SYCP2L: variants seen among roughly 807,000 people sequenced by gnomAD.
SYCP2L encodes synaptonemal complex protein 2 like.
In SYCP2L, 98 loss-of-function variants were observed where a neutral mutation model predicts 125.8. The observed-to-expected ratio is 0.78, with a 90% CI of 0.66 to 0.92. The LOEUF is 0.92. Ranked by LOEUF, SYCP2L falls within the 40% of genes least tolerant of loss-of-function variation. The probability of loss-of-function intolerance (pLI) is 0.00; values close to 1 mark genes in which losing one functional copy is unlikely to be tolerated. For missense variants in SYCP2L, 842 were observed against 936.4 expected (o/e 0.90, Z 1.32); for synonymous variants, 317 against 325.4 (o/e 0.97, Z 0.28).
rs570500178 is a variant in SYCP2L, at chr6:10,912,322, G to T, written c.919-351G>T. ...GGTTACAGTATCTCCTTCTCCAGAA[G>T]TTTCCATCCATATGCAGTGTGGCTT... On this transcript the variant is annotated intron_variant, in intron 12 of 29. Transcript: ENST00000283141. This position sits in a 1 kb window ranked among gnomAD's most constrained non-coding sequence, Gnocchi z 4.1. 1.6e-4 allele frequency among the ~76,000 whole-genome samples: 25 copies of T among 152,148 alleles called. No homozygotes were observed. Among genetic ancestry groups the T allele is most frequent in the Non-Finnish European group, 3.5e-4 (24 of 68,036 alleles).
chr6:10,891,104 T>A (rs1780164257), intron 1 of SYCP2L, among the ~76,000 whole-genome samples: 1 of 152,238 alleles, frequency 6.6e-6, no homozygotes, highest in Non-Finnish European at 1.5e-5. Context: ...TATTTTGAAG[T>A]CAGGTACTAT....
rs1780630470 is a variant in SYCP2L, at chr6:10,912,645, T to C, written c.919-28T>C. Reference sequence around the variant, plus strand: ...CCCTATAGCATGATTTTTATGTGTATAAGTCATGCTGAAATGATCTCTTAC... The same window carrying C: ...CCCTATAGCATGATTTTTATGTGTACAAGTCATGCTGAAATGATCTCTTAC... On this transcript the variant is annotated intron_variant, in intron 12 of 29. Transcript: ENST00000283141. This position sits in a 1 kb window ranked among gnomAD's most constrained non-coding sequence, Gnocchi z 4.1. 1.3e-6 allele frequency: 2 copies of C among 1,512,078 alleles called. No individual in the cohort carries two copies. Among genetic ancestry groups the C allele is most frequent in the Non-Finnish European group, 1.8e-6 (2 of 1,091,306 alleles). 93.7% of individuals were successfully genotyped at this position (1,512,078 alleles called of 1,614,324 possible). A position where few individuals can be genotyped will look rare whatever the true frequency, so the allele number is the denominator to read the frequency against.
At chr6:10,960,319 C>T (rs763607274) in intron 26 of SYCP2L, among the ~76,000 whole-genome samples, 1 of 152,082 alleles carries the variant, frequency 6.6e-6, no homozygotes, top group Non-Finnish European at 1.5e-5. Context: ...AAAGCAAGCC[C>T]ACGAAGGACT....
intron 23 of SYCP2L, among the ~76,000 whole-genome samples, chr6:10,945,066 A>G (rs962272307): frequency 6.6e-6 from 1 of 152,136 alleles, no homozygotes; most frequent in Non-Finnish European, 1.5e-5. Flanking sequence ...GGTTAGAAGT[A>G]TATTTGTTAA....
intron 26 of SYCP2L, 84 bp from the exon 27 acceptor site, chr6:10,961,220 TC>T: frequency 9.4e-7 from 1 of 1,058,408 alleles, no homozygotes; most frequent in Non-Finnish European, 1.4e-6. Context: ...GTCTGAAGTA[TC>T]CTTGTAATCA....
chr6:10,970,995 G>T (rs1358998515), intron 29 of SYCP2L, among the ~76,000 whole-genome samples: 3 of 152,158 alleles, frequency 2.0e-5, no homozygotes, highest in Non-Finnish European at 1.5e-5. Context: ...TAACTGGGCT[G>T]GGGGAAGGCG....
chr6:10,931,636 A>G (rs1780997908), intron 20 of SYCP2L, 147 bp downstream of exon 20: 2 of 800,108 alleles, frequency 2.5e-6, no homozygotes, highest in South Asian at 3.6e-5. Context: ...AAGGTCTTCT[A>G]AATGTTTAAT....
At chr6:10,917,021 C>A (rs1263322108) in intron 14 of SYCP2L, among the ~76,000 whole-genome samples, 2 of 152,104 alleles carry the variant, frequency 1.3e-5, no homozygotes, top group East Asian at 3.8e-4. Flanking sequence ...ATAATAATTT[C>A]AGTTTTCTTA....
intron 11 of SYCP2L, 121 bp from the exon 12 acceptor site, chr6:10,910,703 T>G (rs1780591717): frequency 1.9e-6 from 2 of 1,039,048 alleles, no homozygotes; most frequent in South Asian, 2.6e-5. Flanking sequence ...AACCCCCTAT[T>G]GTACTCTGTA....
At chr6:10,945,840 T>C (rs1781307120) in intron 23 of SYCP2L, among the ~76,000 whole-genome samples, 1 of 151,882 alleles carries the variant, frequency 6.6e-6, no homozygotes. Context: ...TATTGTATAT[T>C]TGCCTTATGG....
At chr6:10,956,392 A>AC in intron 25 of SYCP2L, 150 bp downstream of exon 25, 1 of 622,464 alleles carries the variant, frequency 1.6e-6, no homozygotes, top group Non-Finnish European at 2.7e-6. Context: ...AAGGGTGGTT[A>AC]CCAGGGGTCA....
At chr6:10,921,205 A>T (rs372109193) in intron 14 of SYCP2L, among the ~76,000 whole-genome samples, 24 of 152,294 alleles carry the variant, frequency 1.6e-4, no homozygotes, top group African/African-American at 5.3e-4. Context: ...TGCAAAGGAC[A>T]TGATCTCATT....
chr6:10,922,715 A>C (rs1027143216), intron 14 of SYCP2L: 1 of 152,242 alleles, frequency 6.6e-6, no homozygotes, highest in East Asian at 1.9e-4. Flanking sequence ...GATGAGTAAA[A>C]TGTCCGGCAA....
intron 8 of SYCP2L, among the ~76,000 whole-genome samples, chr6:10,904,636 G>C (rs1035778851): frequency 6.6e-6 from 1 of 152,120 alleles, no homozygotes; most frequent in Non-Finnish European, 1.5e-5. Flanking sequence ...CTTATTGTCT[G>C]TGTGTTCTAG....
intron 29 of SYCP2L, among the ~76,000 whole-genome samples, chr6:10,967,692 T>C (rs1171895946): frequency 6.6e-6 from 1 of 152,070 alleles, no homozygotes; most frequent in Non-Finnish European, 1.5e-5. Flanking sequence ...CAATAAACAA[T>C]AAGACTCTTA....
chr6:10,968,945 A>G (rs1447162254), intron 29 of SYCP2L, among the ~76,000 whole-genome samples: 1 of 152,220 alleles, frequency 6.6e-6, no homozygotes, highest in Non-Finnish European at 1.5e-5. Flanking sequence ...GTCATGGAGG[A>G]TCACAGAGTA....
chr6:10,926,484 G>A, intron 16 of SYCP2L, 52 bp downstream of exon 16: 1 of 1,437,144 alleles, frequency 7.0e-7, no homozygotes, highest in Non-Finnish European at 9.8e-7. Flanking sequence ...TAAAAGCGAT[G>A]AAACCTTAGT....
At position 10,920,672 on chromosome 6, in the gene SYCP2L, G is replaced by A. The variant is rs1421854734; in HGVS notation, c.1073-3824G>A. ...GTACATGTGCAGGATGTACAGGTTT[G>A]TTACATAGGTAAACCTACACAGGTT... is the stretch of plus-strand genomic sequence containing the variant. On this transcript the variant is annotated intron_variant, in intron 14 of 29. Coordinates refer to ENST00000283141, the MANE Select transcript of SYCP2L (RefSeq NM_001040274.3). Among the ~76,000 whole-genome samples, 3 of 151,874 alleles carry A rather than the reference G, an allele frequency of 2.0e-5. No homozygotes were observed. The South Asian group carries it at 6.2e-4, about 32-fold the overall frequency.
intron 1 of SYCP2L, among the ~76,000 whole-genome samples, chr6:10,888,465 C>T (rs2062684466): frequency 1.3e-5 from 2 of 152,078 alleles, no homozygotes; most frequent in African/African-American, 4.8e-5. Flanking sequence ...TAAACCATCC[C>T]ACTTTCTGAT....
Sources: allele counts gnomAD v4.1 joint callset (sites outside exome capture counted in the v4.1 genomes callset), GRCh38; gene constraint gnomAD v4.1.1; non-coding constraint Gnocchi (gnomAD v3.1); transcripts MANE v1.5; gene names NCBI Gene and HGNC (gene_info 2026-07-23, HGNC 2026-07-21).